The following CDK8 variants were observed in gnomAD, a reference collection of about 807,000 sequenced individuals.
The protein encoded by CDK8 is cyclin dependent kinase 8.
Under a neutral mutation model 71.5 loss-of-function variants are expected in CDK8, and 29 were observed. The ratio of observed to expected loss-of-function variants is 0.41; its 90% CI spans 0.30 to 0.55. The LOEUF (loss-of-function observed/expected upper bound fraction) is 0.55, where lower values mean the gene tolerates loss of function less well. CDK8 is among the 20% of genes least tolerant of loss of function. The pLI is 0.37. For missense variants in CDK8, 288 were observed against 572.6 expected (o/e 0.50, Z 5.07); for synonymous variants, 161 against 192.1 (o/e 0.84, Z 1.34).
intron 4 of CDK8, among the ~76,000 whole-genome samples, chr13:26,378,808 A>C (rs1298860631): frequency 6.6e-6 from 1 of 152,242 alleles, no homozygotes; most frequent in Non-Finnish European, 1.5e-5. Flanking sequence ...TAGAGCTTAA[A>C]AACTGCTACC....
chr13:26,402,172 G>A (rs1395445294), intron 12 of CDK8, among the ~76,000 whole-genome samples: 1 of 152,190 alleles, frequency 6.6e-6, no homozygotes, highest in Non-Finnish European at 1.5e-5. Flanking sequence ...AACTCTGGGA[G>A]GTTAAGTGTT....
chr13:26,316,260 T>G (rs972127285), intron 1 of CDK8, among the ~76,000 whole-genome samples: 1 of 152,108 alleles, frequency 6.6e-6, no homozygotes, highest in Admixed American at 6.6e-5. Context: ...CTTGGGAGAC[T>G]GAGGTGGGAG....
At chr13:26,327,414 G>C (rs568103842) in intron 1 of CDK8, among the ~76,000 whole-genome samples, 2 of 152,226 alleles carry the variant, frequency 1.3e-5, no homozygotes, top group African/African-American at 4.8e-5. Flanking sequence ...CGTAAAATAC[G>C]TTTTATTAGC....
intron 1 of CDK8, among the ~76,000 whole-genome samples, chr13:26,263,871 C>T (rs987511739): frequency 6.6e-6 from 1 of 151,976 alleles, no homozygotes; most frequent in Non-Finnish European, 1.5e-5. Context: ...CTCAGCCTCC[C>T]GAGTAGCTGG....
At chr13:26,399,109 A>G (rs1384225926) in intron 9 of CDK8, among the ~76,000 whole-genome samples, 1 of 151,860 alleles carries the variant, frequency 6.6e-6, no homozygotes, top group African/African-American at 2.4e-5. Flanking sequence ...TCCCAGGTTC[A>G]AGCCATTCTC....
At chr13:26,297,807 A>G (rs951022547) in intron 1 of CDK8, among the ~76,000 whole-genome samples, 4 of 152,310 alleles carry the variant, frequency 2.6e-5, no homozygotes, top group Non-Finnish European at 4.4e-5. Context: ...ACAAAATATC[A>G]TAGAGTGGCT....
At chr13:26,355,443 G>T (rs1055888119) in intron 4 of CDK8, among the ~76,000 whole-genome samples, 1 of 151,940 alleles carries the variant, frequency 6.6e-6, no homozygotes, top group Admixed American at 6.6e-5. Flanking sequence ...GTGAAACCCC[G>T]TCTCTACTAA....
At chr13:26,263,591 G>C (rs1871881089) in intron 1 of CDK8, among the ~76,000 whole-genome samples, 1 of 151,674 alleles carries the variant, frequency 6.6e-6, no homozygotes, top group South Asian at 2.1e-4. Context: ...ACAGGCATGT[G>C]CCACCAGCCT....
intron 1 of CDK8, among the ~76,000 whole-genome samples, chr13:26,263,436 G>A (rs1267589413): frequency 3.8e-5 from 5 of 131,342 alleles, no homozygotes; most frequent in African/African-American, 1.4e-4. Context: ...GCCCGGCCGG[G>A]AGTAGGTATT....
At position 26,403,953 on chromosome 13, in the gene CDK8, C is replaced by T. The variant is rs1342345453; in HGVS notation, c.1270-3C>T. On this transcript the variant is annotated splice_polypyrimidine_tract_variant and splice_region_variant and intron_variant, in intron 12 of 12. Coordinates refer to ENST00000381527, the MANE Select transcript of CDK8 (RefSeq NM_001260.3). The stretch of plus-strand genomic sequence containing the variant: ...TCACACTTTTCCCTCATCTCCTTTC[C>T]AGCGTTCCAATCCACATGCTGCCTA... 6.2e-7 allele frequency: 1 copy of T among 1,611,216 alleles called. No individual in the cohort carries two copies. The highest frequency in any genetic ancestry group is 1.3e-5 in the African/African-American group (1 of 74,908).
At chr13:26,385,179 C>T (rs749024550) in intron 5 of CDK8, 32 bp from the exon 6 acceptor site, 8 of 1,546,860 alleles carry the variant, frequency 5.2e-6, no homozygotes, top group East Asian at 2.3e-5. Context: ...AAATCATTTA[C>T]TTAGCATGAT....
At chr13:26,345,544 A>G (rs1481672431) in intron 2 of CDK8, among the ~76,000 whole-genome samples, 1 of 151,872 alleles carries the variant, frequency 6.6e-6, no homozygotes, top group Non-Finnish European at 1.5e-5. Context: ...ACCACGCCCA[A>G]CAAATTTTTT....
At chr13:26,337,428 C>T (rs998490983) in intron 1 of CDK8, 139 bp from the exon 2 acceptor site, 40 of 301,634 alleles carry the variant, frequency 1.3e-4, no homozygotes, top group Non-Finnish European at 2.0e-4. Flanking sequence ...AAAAGTTTTT[C>T]CTTGTACGAC....
chr13:26,315,887 G>A (rs1037022932), intron 1 of CDK8, among the ~76,000 whole-genome samples: 3 of 152,204 alleles, frequency 2.0e-5, no homozygotes, highest in East Asian at 1.9e-4. Context: ...TGCACTGGCG[G>A]AATCTGTCCT....
At chr13:26,362,713 A>G (rs1874204336) in intron 4 of CDK8, among the ~76,000 whole-genome samples, 4 of 152,122 alleles carry the variant, frequency 2.6e-5, no homozygotes, top group Admixed American at 2.6e-4. Flanking sequence ...CCTTCACCGA[A>G]ATACCCAGAA....
At chr13:26,291,269 A>G (rs901395196) in intron 1 of CDK8, among the ~76,000 whole-genome samples, 1 of 152,166 alleles carries the variant, frequency 6.6e-6, no homozygotes, top group Non-Finnish European at 1.5e-5. Flanking sequence ...TACCATCTAG[A>G]TTTGTGTAAG....
intron 4 of CDK8, chr13:26,359,030 A>G: frequency 3.3e-6 from 1 of 302,868 alleles, no homozygotes; most frequent in South Asian, 3.0e-5. Flanking sequence ...CTGTCTGTAA[A>G]ATAAAAATTA....
intron 7 of CDK8, 117 bp from the exon 8 acceptor site, chr13:26,396,168 C>T (rs1875982341): frequency 2.4e-6 from 1 of 410,074 alleles, no homozygotes; most frequent in Non-Finnish European, 4.5e-6. Flanking sequence ...TTGAAGACAG[C>T]TTTTTTGTGT....
intron 5 of CDK8, among the ~76,000 whole-genome samples, chr13:26,383,867 C>G (rs994743106): frequency 6.6e-6 from 1 of 152,156 alleles, no homozygotes; most frequent in Non-Finnish European, 1.5e-5. Context: ...GTTTGGCTTT[C>G]CTTGAGAAGC....
Sources: allele counts gnomAD v4.1 joint callset (sites outside exome capture counted in the v4.1 genomes callset), GRCh38; gene constraint gnomAD v4.1.1; transcripts MANE v1.5; gene names NCBI Gene and HGNC (gene_info 2026-07-23, HGNC 2026-07-21).